CDC42BPA: variants seen among roughly 807,000 people sequenced by gnomAD.
CDC42BPA encodes CDC42 binding protein kinase alpha, also known as serine/threonine-protein kinase MRCK alpha.
In CDC42BPA, 80 loss-of-function variants were observed where a neutral mutation model predicts 223.5. The observed-to-expected ratio is 0.36, with a 90% CI of 0.30 to 0.43. The LOEUF (loss-of-function observed/expected upper bound fraction) is 0.43, where lower values mean the gene tolerates loss of function less well. CDC42BPA is among the 20% of genes least tolerant of loss of function. The probability of loss-of-function intolerance (pLI) is 1.00; values close to 1 mark genes in which losing one functional copy is unlikely to be tolerated. For missense variants in CDC42BPA, 1,743 were observed against 2,099.9 expected, an observed-to-expected ratio of 0.83 and a Z score of 3.32; for synonymous variants, 694 against 718.6, an observed-to-expected ratio of 0.97 and a Z score of 0.55.
chr1:227,049,842 T>C (rs1673176665), intron 22 of CDC42BPA, among the ~76,000 whole-genome samples: 1 of 152,188 alleles, frequency 6.6e-6, no homozygotes, highest in Non-Finnish European at 1.5e-5. Flanking sequence ...CCATTTCCCA[T>C]TATACATAAC....
chr1:227,122,316 C>G (rs1688790400), intron 11 of CDC42BPA, among the ~76,000 whole-genome samples: 1 of 152,076 alleles, frequency 6.6e-6, no homozygotes. Flanking sequence ...CTGAAGTGTT[C>G]TTCTCTAACA....
chr1:227,148,601 C>A (rs891483763), intron 6 of CDC42BPA, among the ~76,000 whole-genome samples: 2 of 151,602 alleles, frequency 1.3e-5, no homozygotes, highest in African/African-American at 4.8e-5. Flanking sequence ...CCCATCTCTA[C>A]TAAAAACACA....
chr1:227,218,502 C>T (rs1442005076), intron 2 of CDC42BPA, among the ~76,000 whole-genome samples: 1 of 152,142 alleles, frequency 6.6e-6, no homozygotes, highest in African/African-American at 2.4e-5. Flanking sequence ...AATCCTTACA[C>T]CAATCTAAAG....
At chr1:227,001,038 T>C (rs1490498394) in intron 35 of CDC42BPA, among the ~76,000 whole-genome samples, 2 of 152,178 alleles carry the variant, frequency 1.3e-5, no homozygotes, top group Admixed American at 1.3e-4. Flanking sequence ...GAGCCCCTAC[T>C]GCTGACAGGA....
intron 15 of CDC42BPA, among the ~76,000 whole-genome samples, chr1:227,094,667 T>G (rs1683667618): frequency 6.6e-6 from 1 of 152,166 alleles, no homozygotes; most frequent in Non-Finnish European, 1.5e-5. Context: ...AATAAAAAAT[T>G]AAATACAGCC....
chr1:227,106,610 T>C (rs563494774), intron 14 of CDC42BPA, among the ~76,000 whole-genome samples: 1 of 152,302 alleles, frequency 6.6e-6, no homozygotes, highest in South Asian at 2.1e-4. Context: ...TAAAAAGAGT[T>C]TGAGAAGGAT....
At chr1:227,163,014 G>C in intron 5 of CDC42BPA, among the ~76,000 whole-genome samples, 1 of 132,822 alleles carries the variant, frequency 7.5e-6, no homozygotes, top group Admixed American at 7.3e-5. Flanking sequence ...GTTTCCAAAC[G>C]TGTATGTTTC....
At chr1:227,155,191 A>C (rs1662507555) in intron 6 of CDC42BPA, among the ~76,000 whole-genome samples, 1 of 152,204 alleles carries the variant, frequency 6.6e-6, no homozygotes, top group South Asian at 2.1e-4. Flanking sequence ...AACATTCTAA[A>C]AGCTTCCAGA....
chr1:227,305,361 T>C (rs1692357585), intron 1 of CDC42BPA, among the ~76,000 whole-genome samples: 1 of 152,182 alleles, frequency 6.6e-6, no homozygotes, highest in South Asian at 2.1e-4. Context: ...ATTACTCTTA[T>C]TCTTTACATT....
intron 1 of CDC42BPA, among the ~76,000 whole-genome samples, chr1:227,303,008 T>G (rs200653946): frequency 1.2e-4 from 6 of 48,108 alleles, no homozygotes; most frequent in Admixed American, 2.4e-4. Flanking sequence ...TTTTTTTGGG[T>G]TTTTTTTTTT....
intron 35 of CDC42BPA, among the ~76,000 whole-genome samples, chr1:227,000,599 C>T (rs1662616950): frequency 6.6e-6 from 1 of 152,148 alleles, no homozygotes; most frequent in Non-Finnish European, 1.5e-5. Flanking sequence ...CAACTCACCA[C>T]TCAATGCATG....
At chr1:227,010,913 A>T (rs1665053976) in intron 34 of CDC42BPA, 1 of 1,365,100 alleles carries the variant, frequency 7.3e-7, no homozygotes. Context: ...CCAGGGACAG[A>T]GCGCAGAGAC....
At chr1:227,047,861 A>C (rs1672764995) in intron 23 of CDC42BPA, 66 bp downstream of exon 23, 3 of 821,922 alleles carry the variant, frequency 3.6e-6, no homozygotes, top group Admixed American at 2.4e-5. Context: ...AAATCACAGC[A>C]AATGCATAGA....
intron 14 of CDC42BPA, among the ~76,000 whole-genome samples, chr1:227,107,939 C>T (rs1686223631): frequency 6.6e-6 from 1 of 152,058 alleles, no homozygotes; most frequent in African/African-American, 2.4e-5. Context: ...TTCCCTTATA[C>T]TTCTGATTTT....
intron 1 of CDC42BPA, among the ~76,000 whole-genome samples, chr1:227,313,747 C>G (rs776571152): frequency 1.4e-5 from 2 of 140,244 alleles, no homozygotes; most frequent in Admixed American, 7.3e-5. Context: ...TTAATTAACA[C>G]TCGTGTCATA....
chr1:227,142,883 G>T, intron 9 of CDC42BPA, 62 bp downstream of exon 9: 1 of 1,129,834 alleles, frequency 8.9e-7, no homozygotes. Context: ...CTCCCAAAGT[G>T]TTGGGATTAC....
intron 28 of CDC42BPA, among the ~76,000 whole-genome samples, 182 bp downstream of exon 28, chr1:227,031,116 C>G (rs923227828): frequency 1.3e-5 from 2 of 152,108 alleles, no homozygotes; most frequent in African/African-American, 4.8e-5. Flanking sequence ...ATTTATACTC[C>G]TGTTTACTGA....
At chr1:227,187,035 C>G (rs1257932779) in intron 5 of CDC42BPA, among the ~76,000 whole-genome samples, 1 of 152,184 alleles carries the variant, frequency 6.6e-6, no homozygotes, top group Non-Finnish European at 1.5e-5. Context: ...ATATTCAAGG[C>G]AAATAGAATC....
intron 21 of CDC42BPA, among the ~76,000 whole-genome samples, chr1:227,057,317 C>A (rs909880205): frequency 2.0e-5 from 3 of 151,902 alleles, no homozygotes; most frequent in African/African-American, 4.8e-5. Context: ...AACAAGAATG[C>A]AAGAAACATT....
Sources: allele counts gnomAD v4.1 joint callset (sites outside exome capture counted in the v4.1 genomes callset), GRCh38; gene constraint gnomAD v4.1.1; transcripts MANE v1.5; gene names NCBI Gene and HGNC (gene_info 2026-07-23, HGNC 2026-07-21).